Variants in SMIM35 observed in about 807,000 individuals in gnomAD.
The protein encoded by SMIM35 is small integral membrane protein 35, also known as TMPRSS4 antisense RNA 1 (non-protein coding).
chr11:118,035,272 G>A (rs900552934), intron 1 of SMIM35, among the ~76,000 whole-genome samples: 2 of 152,012 alleles, frequency 1.3e-5, no homozygotes, highest in African/African-American at 4.8e-5. Flanking sequence ...TCTAAGTAGA[G>A]CCCCAGGACT....
intron 1 of SMIM35, chr11:118,029,515 G>A (rs1380487267): frequency 2.1e-5 from 8 of 384,828 alleles, no homozygotes; most frequent in African/African-American, 1.7e-4. Flanking sequence ...GCCAGCTGGG[G>A]GAAGTTCTGC....
intron 1 of SMIM35, among the ~76,000 whole-genome samples, chr11:118,021,047 G>GTT (rs367714265): frequency 1.1e-4 from 15 of 140,842 alleles, no homozygotes; most frequent in African/African-American, 1.8e-4. Flanking sequence ...ACAGGGTAAG[G>GTT]TTTTTTTTTT....
chr11:118,013,113 G>A (rs1486206004), intron 4 of SMIM35, among the ~76,000 whole-genome samples: 4 of 152,168 alleles, frequency 2.6e-5, no homozygotes, highest in African/African-American at 9.7e-5. Flanking sequence ...GACTCCCCAG[G>A]ACTCCCATAC....
At chr11:118,046,074 A>C (rs1369761124) in intron 1 of SMIM35, among the ~76,000 whole-genome samples, 1 of 152,186 alleles carries the variant, frequency 6.6e-6, no homozygotes, top group Non-Finnish European at 1.5e-5. Context: ...CTTAGAGTGA[A>C]ATTTTCTAGA....
rs533589166 is a variant in SMIM35, at chr11:118,036,018, G to A, written c.8-20209C>T. Among the ~76,000 whole-genome samples, 5 of 152,272 alleles carry A rather than the reference G, an allele frequency of 3.3e-5. No homozygotes were observed. In the South Asian group the frequency reaches 1.0e-3, roughly 32 times the overall value. On this transcript the variant is annotated intron_variant, in intron 1 of 4. Transcript: ENST00000689828. ...TTCTTCTGTCTCAGCCTCCCAAGTT[G>A]CTGGGATTACAGGCACCTGCCACCA...
At chr11:118,027,044 G>C (rs1475752066) in intron 1 of SMIM35, among the ~76,000 whole-genome samples, 1 of 94,712 alleles carries the variant, frequency 1.1e-5, no homozygotes, top group African/African-American at 4.2e-5. Flanking sequence ...TTTTTGAGAC[G>C]GAGTCTCGCT....
chr11:118,044,280 A>G (rs1217569964), intron 1 of SMIM35, among the ~76,000 whole-genome samples: 1 of 149,486 alleles, frequency 6.7e-6, no homozygotes, highest in Admixed American at 6.7e-5. Flanking sequence ...TATTCCAGAA[A>G]CCAAATCTTA....
At chr11:118,040,922 T>C (rs4938469) in intron 1 of SMIM35, among the ~76,000 whole-genome samples, 42,968 of 151,536 alleles carry the variant, frequency 0.28, 6,105 homozygotes, top group South Asian at 0.3. Context: ...TTAATAGATG[T>C]GACATATGTA....
intron 4 of SMIM35, among the ~76,000 whole-genome samples, chr11:118,010,842 A>G (rs1410063241): frequency 6.6e-6 from 1 of 152,152 alleles, no homozygotes; most frequent in Non-Finnish European, 1.5e-5. Context: ...GGGCCAGTGG[A>G]AAGAAGAACC....
At chr11:118,008,696 G>C (rs914723389) in intron 4 of SMIM35, among the ~76,000 whole-genome samples, 4 of 152,236 alleles carry the variant, frequency 2.6e-5, no homozygotes, top group African/African-American at 4.8e-5. Flanking sequence ...GATTGCACCA[G>C]GGATGAAGCA....
chr11:118,042,475 A>G (rs924926600), intron 1 of SMIM35, among the ~76,000 whole-genome samples: 14 of 152,194 alleles, frequency 9.2e-5, no homozygotes, highest in African/African-American at 2.7e-4. Flanking sequence ...AAAAAATAAT[A>G]CCCACAAGAA....
At chr11:118,041,249 A>G (rs1000939398) in intron 1 of SMIM35, among the ~76,000 whole-genome samples, 5 of 152,214 alleles carry the variant, frequency 3.3e-5, no homozygotes, top group Admixed American at 2.0e-4. Flanking sequence ...TTAATATTGG[A>G]TAGAATAACT....
At chr11:118,078,964 AAG>A in intron 1 of SMIM35, among the ~76,000 whole-genome samples, 1 of 152,282 alleles carries the variant, frequency 6.6e-6, no homozygotes, top group East Asian at 1.9e-4. Context: ...CTTAGGACTA[AAG>A]AGGAGTCTGT....
chr11:118,081,300 G>C (rs973575660), intron 1 of SMIM35, among the ~76,000 whole-genome samples: 3 of 152,224 alleles, frequency 2.0e-5, no homozygotes, highest in African/African-American at 7.2e-5. Context: ...GCACAGGTCT[G>C]AGCCTGCCCG....
At chr11:118,047,299 A>C (rs1269070982) in intron 1 of SMIM35, among the ~76,000 whole-genome samples, 1 of 152,258 alleles carries the variant, frequency 6.6e-6, no homozygotes, top group Non-Finnish European at 1.5e-5. Context: ...AAATTAACCA[A>C]TTAACAAGCA....
In SMIM35 at chr11:118,036,588, C is replaced by G. The variant is rs551746372; in HGVS notation, c.8-20779G>C. ...ATGCATACACCCTAAGCTGGGGGTGCCTGGGGAGAAGGGCGCTCCTTGGAG... is the reference window on the plus strand; with the variant it reads ...ATGCATACACCCTAAGCTGGGGGTGGCTGGGGAGAAGGGCGCTCCTTGGAG... On this transcript the variant is annotated intron_variant, in intron 1 of 4. Transcript: ENST00000689828. Among the ~76,000 whole-genome samples the G allele has an allele frequency of 1.8e-4, 27 of 152,268 alleles. 1 individual carries two copies. In the South Asian group the frequency reaches 5.4e-3, roughly 30 times the overall value.
At chr11:118,077,293 C>A in intron 1 of SMIM35, 1 of 1,602,164 alleles carries the variant, frequency 6.2e-7, no homozygotes, top group Non-Finnish European at 8.5e-7. Context: ...GGGAGGATCA[C>A]AGAGCCAGCA....
At chr11:118,051,340 C>G (rs1944210188) in intron 1 of SMIM35, among the ~76,000 whole-genome samples, 1 of 152,228 alleles carries the variant, frequency 6.6e-6, no homozygotes, top group Non-Finnish European at 1.5e-5. Flanking sequence ...CACACAGGAG[C>G]CATTCGTGGA....
At chr11:118,038,673 T>C (rs1395233696) in intron 1 of SMIM35, among the ~76,000 whole-genome samples, 1 of 152,004 alleles carries the variant, frequency 6.6e-6, no homozygotes, top group East Asian at 1.9e-4. Flanking sequence ...GGCATTTGTT[T>C]TGTTTTCATA....
Sources: allele counts gnomAD v4.1 joint callset (sites outside exome capture counted in the v4.1 genomes callset), GRCh38; gene constraint gnomAD v4.1.1; transcripts MANE v1.5; gene names NCBI Gene and HGNC (gene_info 2026-07-23, HGNC 2026-07-21).